Variants in KSR2 observed in about 807,000 individuals in gnomAD.
The protein encoded by KSR2 is kinase suppressor of ras 2.
KSR2 carries 25 observed loss-of-function variants against 107.8 expected under a neutral mutation model. The observed-to-expected ratio is 0.23, with a 90% CI of 0.17 to 0.32. The LOEUF (loss-of-function observed/expected upper bound fraction) is 0.32, where lower values mean the gene tolerates loss of function less well. Among genes scored for constraint, KSR2 ranks in the 10% least tolerant of loss-of-function variants. KSR2 has a pLI of 1.00. For missense variants in KSR2, 887 were observed against 1,268.9 expected (o/e 0.70, Z 4.57); for synonymous variants, 480 against 507.0 (o/e 0.95, Z 0.71).
intron 14 of KSR2, among the ~76,000 whole-genome samples, chr12:117,517,008 G>A (rs917434487): frequency 1.3e-5 from 2 of 152,074 alleles, no homozygotes; most frequent in African/African-American, 4.8e-5. Context: ...ACTTGTAGGC[G>A]GCTCACAGAC....
intron 5 of KSR2, among the ~76,000 whole-genome samples, chr12:117,591,553 G>C (rs1055817426): frequency 6.6e-6 from 1 of 152,130 alleles, no homozygotes; most frequent in Non-Finnish European, 1.5e-5. Context: ...GGACCAGTGA[G>C]TGGTGAGGGC....
chr12:117,455,237 T>C lies in KSR2; in HGVS notation c.*11962A>G, dbSNP rs950944322. 6 of 152,236 alleles carry C rather than the reference T, an allele frequency of 3.9e-5. No homozygotes were observed. The highest frequency in any genetic ancestry group is 1.4e-4 in the African/African-American group (6 of 41,444). The allele number at this position is 152,236 out of a possible 1,614,324, so 9.4% of individuals were successfully genotyped here. On this transcript the variant is annotated 3_prime_UTR_variant, in exon 20 of 20. Coordinates refer to ENST00000339824, the MANE Select transcript of KSR2 (RefSeq NM_173598.6). ...GGAAAGAAGTCAAGGTCTCCACATC[T>C]GAGCCAGGGCACCCTCTGTTTGGAG...
In KSR2 at chr12:117,813,911, G is replaced by C. The variant is rs563162514; in HGVS notation, c.472+41517C>G. ...GAGATGAATGGATAAAGGAAATGTG[G>C]TATATATATACACAACAGAATACTA... On this transcript the variant is annotated intron_variant, in intron 3 of 19. Transcript: ENST00000339824. 2.6e-5 allele frequency among the ~76,000 whole-genome samples: 4 copies of C among 152,232 alleles called. No individual in the cohort carries two copies. In the East Asian group the frequency reaches 7.7e-4, roughly 29 times the overall value.
intron 3 of KSR2, among the ~76,000 whole-genome samples, chr12:117,835,257 T>C (rs950442250): frequency 6.6e-6 from 1 of 152,124 alleles, no homozygotes; most frequent in Non-Finnish European, 1.5e-5. Flanking sequence ...TCTGCAAAAC[T>C]GATGGAAGTT....
chr12:117,710,510 G>A (rs1450325173), intron 4 of KSR2, among the ~76,000 whole-genome samples: 1 of 152,164 alleles, frequency 6.6e-6, no homozygotes, highest in Non-Finnish European at 1.5e-5. Flanking sequence ...TGATGTTGGA[G>A]CAGAGGGTAA....
intron 1 of KSR2, among the ~76,000 whole-genome samples, chr12:117,962,753 C>G (rs562713043): frequency 2.6e-5 from 4 of 151,252 alleles, no homozygotes; most frequent in Admixed American, 6.6e-5. Flanking sequence ...CCACCATCAC[C>G]TGTTTTTGTA....
At chr12:117,661,091 G>A (rs2136464716) in intron 5 of KSR2, among the ~76,000 whole-genome samples, 1 of 152,340 alleles carries the variant, frequency 6.6e-6, no homozygotes, top group South Asian at 2.1e-4. Flanking sequence ...TCTAGCCTGA[G>A]TCCAGCCAGG....
intron 17 of KSR2, among the ~76,000 whole-genome samples, 177 bp downstream of exon 17, chr12:117,476,287 G>A (rs573017637): frequency 1.4e-4 from 21 of 152,218 alleles, no homozygotes; most frequent in Admixed American, 1.4e-3. Flanking sequence ...ACACACGTTT[G>A]TTAGGGTCAT....
At chr12:117,547,082 G>A (rs1652981695) in intron 9 of KSR2, among the ~76,000 whole-genome samples, 1 of 152,212 alleles carries the variant, frequency 6.6e-6, no homozygotes, top group African/African-American at 2.4e-5. Flanking sequence ...GCCTGAACAT[G>A]TGAGTATTAT....
chr12:117,583,897 T>C (rs1879842499), intron 5 of KSR2, among the ~76,000 whole-genome samples: 1 of 152,188 alleles, frequency 6.6e-6, no homozygotes, highest in Admixed American at 6.5e-5. Context: ...TGCAAATGCA[T>C]GCCTCATTTT....
chr12:117,754,782 C>G (rs1265715812), intron 4 of KSR2, among the ~76,000 whole-genome samples: 1 of 152,154 alleles, frequency 6.6e-6, no homozygotes. Context: ...GCCTAGGCAA[C>G]AGAGCAAGAC....
chr12:117,767,460 C>T (rs1357506954), intron 3 of KSR2, among the ~76,000 whole-genome samples: 1 of 149,140 alleles, frequency 6.7e-6, no homozygotes, highest in African/African-American at 2.5e-5. Flanking sequence ...AAGAGACAAA[C>T]AGGTACACAA....
chr12:117,617,327 G>C (rs560990878), intron 5 of KSR2, among the ~76,000 whole-genome samples: 12 of 152,164 alleles, frequency 7.9e-5, no homozygotes, highest in African/African-American at 2.9e-4. Context: ...AAGTGTGTCT[G>C]ATCTTCTATT....
At chr12:117,738,971 GTGAA>G (rs960634488) in intron 4 of KSR2, among the ~76,000 whole-genome samples, 1 of 152,220 alleles carries the variant, frequency 6.6e-6, no homozygotes, top group African/African-American at 2.4e-5. Flanking sequence ...CGAGTGAGTG[GTGAA>G]TGAATATGAA....
intron 4 of KSR2, among the ~76,000 whole-genome samples, chr12:117,691,376 G>A (rs572742592): frequency 1.4e-4 from 21 of 152,184 alleles, no homozygotes; most frequent in African/African-American, 4.6e-4. Flanking sequence ...ACTGACCCTC[G>A]CCTTGAGCCA....
chr12:117,703,165 G>A (rs991345656), intron 4 of KSR2, among the ~76,000 whole-genome samples: 4 of 152,092 alleles, frequency 2.6e-5, no homozygotes, highest in African/African-American at 7.2e-5. Context: ...GTCAGGCCTG[G>A]GTTCAAATCA....
In KSR2 at chr12:117,455,070, G is replaced by GAGAGAGAGAGAGAGAGAGAC. The variant is rs1469580555; in HGVS notation, c.*12128_*12129insGTCTCTCTCTCTCTCTCTCT. 89 of 149,310 alleles carry GAGAGAGAGAGAGAGAGAGAC rather than the reference G, an allele frequency of 6.0e-4. No homozygotes were observed. Among genetic ancestry groups the GAGAGAGAGAGAGAGAGAGAC allele is most frequent in the African/African-American group, 1.9e-3 (77 of 40,368 alleles). The allele number at this position is 149,310 out of a possible 1,614,324, so 9.2% of individuals were successfully genotyped here. A position where few individuals can be genotyped will look rare whatever the true frequency, so the allele number is the denominator to read the frequency against. On this transcript the variant is annotated 3_prime_UTR_variant, in exon 20 of 20. Coordinates refer to ENST00000339824, the MANE Select transcript of KSR2 (RefSeq NM_173598.6). Reference sequence around the variant, plus strand: ...AGAGAGAGAGAGAGAGAGAGAGAGAGAGGTCTGTAGAGCCAGAGAGGGATG... The same window carrying GAGAGAGAGAGAGAGAGAGAC: ...AGAGAGAGAGAGAGAGAGAGAGAGAGAGAGAGAGAGAGAGAGAGACAGGTCTGTAGAGCCAGAGAGGGATG...
chr12:117,954,019 G>A (rs1593400909), intron 1 of KSR2, among the ~76,000 whole-genome samples: 1 of 151,848 alleles, frequency 6.6e-6, no homozygotes, highest in East Asian at 1.9e-4. Context: ...GAACCCAGAA[G>A]TTTAAGGCTC....
chr12:117,781,449 G>C (rs112176610), intron 3 of KSR2, among the ~76,000 whole-genome samples: 1,655 of 152,278 alleles, frequency 0.011, 39 homozygotes, highest in African/African-American at 0.037. Context: ...GAGTGCAGAT[G>C]ATGGGGAGAG....
Sources: allele counts gnomAD v4.1 joint callset (sites outside exome capture counted in the v4.1 genomes callset), GRCh38; gene constraint gnomAD v4.1.1; transcripts MANE v1.5; gene names NCBI Gene and HGNC (gene_info 2026-07-23, HGNC 2026-07-21).